SNAP91: variants seen among roughly 807,000 people sequenced by gnomAD.
SNAP91 encodes clathrin coat assembly protein AP180.
In SNAP91, 27 loss-of-function variants were observed where a neutral mutation model predicts 100.3. The observed-to-expected ratio is 0.27, with a 90% CI of 0.20 to 0.37. SNAP91 has a LOEUF of 0.37. Ranked by LOEUF, SNAP91 falls within the 10% of genes least tolerant of loss-of-function variation. The pLI, the probability that SNAP91 is intolerant of heterozygous loss-of-function variation, is 1.00. For synonymous variants in SNAP91, 404 were observed against 398.6 expected (o/e 1.01, Z -0.16); for missense variants, 986 against 1,123.7 (o/e 0.88, Z 1.75).
intron 2 of SNAP91, among the ~76,000 whole-genome samples, chr6:83,679,931 CA>C (rs769651800): frequency 3.3e-5 from 5 of 150,878 alleles, no homozygotes; most frequent in Non-Finnish European, 5.9e-5. Flanking sequence ...ATTTTTTTTT[CA>C]AAAAGTTAAC....
chr6:83,646,261 A>G (rs567455446), intron 7 of SNAP91, among the ~76,000 whole-genome samples: 18 of 152,244 alleles, frequency 1.2e-4, no homozygotes, highest in Admixed American at 8.5e-4. Flanking sequence ...TCTTCCATGG[A>G]TCACACCTCT....
intron 25 of SNAP91, 88 bp from the exon 26 acceptor site, chr6:83,575,209 G>T: frequency 1.1e-6 from 1 of 912,872 alleles, no homozygotes; most frequent in South Asian, 1.5e-5. Flanking sequence ...TATTTTATTT[G>T]GGTTTAAAAG....
chr6:83,692,514 C>CAA (rs11465130), intron 2 of SNAP91, among the ~76,000 whole-genome samples: 4,227 of 148,352 alleles, frequency 0.028, 74 homozygotes, highest in East Asian at 0.057. Flanking sequence ...GACTCTGTCT[C>CAA]AAAAAAAAAA....
At chr6:83,703,179 T>G (rs1159798881) in intron 2 of SNAP91, among the ~76,000 whole-genome samples, 1 of 150,640 alleles carries the variant, frequency 6.6e-6, no homozygotes, top group Non-Finnish European at 1.5e-5. Context: ...TTTTTTAAAC[T>G]AATAGTTAAA....
chr6:83,641,025 T>C (rs1045596442), intron 8 of SNAP91, 71 bp downstream of exon 8: 12 of 843,052 alleles, frequency 1.4e-5, no homozygotes, highest in Non-Finnish European at 2.0e-5. Context: ...ACACCTTCTA[T>C]TATATATACT....
chr6:83,626,111 G>T (rs575463552), intron 8 of SNAP91, among the ~76,000 whole-genome samples: 20 of 152,148 alleles, frequency 1.3e-4, no homozygotes, highest in Middle Eastern at 3.4e-3. Flanking sequence ...TTTGAATAAG[G>T]AGTCCTTTCC....
chr6:83,612,007 C>G (rs2096141889), intron 11 of SNAP91, among the ~76,000 whole-genome samples: 1 of 151,542 alleles, frequency 6.6e-6, no homozygotes, highest in African/African-American at 2.4e-5. Context: ...AGGCATGAGC[C>G]ACCGCGCCAG....
intron 22 of SNAP91, among the ~76,000 whole-genome samples, chr6:83,585,681 T>C (rs2324446): frequency 6.6e-6 from 1 of 152,094 alleles, no homozygotes; most frequent in Non-Finnish European, 1.5e-5. Context: ...GATACACTGC[T>C]TTTTAATCAC....
At chr6:83,674,191 G>A (rs939346610) in intron 2 of SNAP91, among the ~76,000 whole-genome samples, 8 of 152,136 alleles carry the variant, frequency 5.3e-5, no homozygotes, top group Non-Finnish European at 1.2e-4. Flanking sequence ...TTGCGAGGCC[G>A]AGGCGGGCGG....
chr6:83,645,542 T>C (rs557163400), intron 7 of SNAP91, among the ~76,000 whole-genome samples: 1 of 152,130 alleles, frequency 6.6e-6, no homozygotes, highest in Non-Finnish European at 1.5e-5. Flanking sequence ...TCATACGGAG[T>C]ATTTTCACTG....
intron 8 of SNAP91, among the ~76,000 whole-genome samples, chr6:83,624,073 G>T (rs550882408): frequency 2.0e-5 from 3 of 151,980 alleles, no homozygotes; most frequent in Non-Finnish European, 4.4e-5. Context: ...ACACCATTTT[G>T]CATGTGTAAT....
chr6:83,613,075 A>T (rs1436317809), intron 11 of SNAP91, among the ~76,000 whole-genome samples: 1 of 152,178 alleles, frequency 6.6e-6, no homozygotes, highest in African/African-American at 2.4e-5. Context: ...GAAAAATCAT[A>T]ATTGGTACAA....
At chr6:83,655,106 T>C (rs2098360336) in intron 7 of SNAP91, among the ~76,000 whole-genome samples, 1 of 152,186 alleles carries the variant, frequency 6.6e-6, no homozygotes, top group Admixed American at 6.5e-5. Flanking sequence ...GTCACATGCA[T>C]GTCAAAGTAT....
chr6:83,659,050 T>C lies in SNAP91; in HGVS notation c.495A>G (p.Leu165=), dbSNP rs191843529. The C allele has an allele frequency of 2.5e-4, 410 of 1,608,086 alleles. 1 individual carries two copies. The African/African-American group carries it at 4.8e-3, about 19-fold the overall frequency. ...GTCCCTGTAGTATTGGCATACTCTT[T>C]AGCAGCTTTTCGGGAGCCATTGTCC... ...VMRTMAPEKL[L]KSMPILQGQI... Residue 165 remains leucine (L), a synonymous_variant, in exon 6 of 30, where the codon CTA becomes CTG. Coordinates refer to ENST00000369694, the MANE Select transcript of SNAP91 (RefSeq NM_001242792.2).
chr6:83,615,194 C>G (rs1273923570), intron 10 of SNAP91, among the ~76,000 whole-genome samples: 1 of 151,986 alleles, frequency 6.6e-6, no homozygotes, highest in East Asian at 1.9e-4. Flanking sequence ...TAATGAGACC[C>G]ATTCTAGCTA....
intron 28 of SNAP91, among the ~76,000 whole-genome samples, chr6:83,556,835 T>TA (rs1779658319): frequency 6.6e-6 from 1 of 152,188 alleles, no homozygotes; most frequent in Non-Finnish European, 1.5e-5. Flanking sequence ...TACTTACACT[T>TA]ATTAGCTAAA....
chr6:83,697,881 T>C (rs2099240585), intron 2 of SNAP91, among the ~76,000 whole-genome samples: 1 of 152,058 alleles, frequency 6.6e-6, no homozygotes, highest in South Asian at 2.1e-4. Context: ...CATGCTATGT[T>C]TGGCGTGAGG....
chr6:83,646,035 T>C (rs1297215164), intron 7 of SNAP91, among the ~76,000 whole-genome samples: 1 of 152,358 alleles, frequency 6.6e-6, no homozygotes, highest in East Asian at 1.9e-4. Flanking sequence ...TCTTTGTTGG[T>C]GAGGTATCAA....
chr6:83,611,308 C>T (rs777306310), intron 11 of SNAP91: 22 of 320,778 alleles, frequency 6.9e-5, no homozygotes, highest in Non-Finnish European at 1.1e-4. Flanking sequence ...ACAGCAACTT[C>T]GATGCTTTTT....
Sources: gnomAD v4.1 joint callset for allele counts (sites outside exome capture counted in the v4.1 genomes callset) on GRCh38, gnomAD v4.1.1 for gene constraint, MANE v1.5 for transcripts, NCBI Gene and HGNC (gene_info 2026-07-23, HGNC 2026-07-21) for gene names.